CLEC6A: variants seen among roughly 807,000 people sequenced by gnomAD.
CLEC6A encodes the protein C-type lectin domain containing 6A.
CLEC6A carries 22 observed loss-of-function variants against 25.7 expected under a neutral mutation model. The observed-to-expected ratio is 0.85, with a 90% CI of 0.61 to 1.22. The LOEUF (loss-of-function observed/expected upper bound fraction) is 1.22. CLEC6A is among the 50% of genes most tolerant of loss of function. CLEC6A has a pLI of 0.00. For missense variants in CLEC6A, 240 were observed against 236.8 expected (o/e 1.01, Z -0.09); for synonymous variants, 92 against 76.7 (o/e 1.20, Z -1.04).
intron 2 of CLEC6A, among the ~76,000 whole-genome samples, chr12:8,458,851 A>T (rs1340136830): frequency 6.6e-6 from 1 of 152,220 alleles, no homozygotes; most frequent in Non-Finnish European, 1.5e-5. Context: ...AGCTCTAGTT[A>T]TAGAAGGACA....
At chr12:8,461,215 C>A in intron 3 of CLEC6A, 2 of 834,444 alleles carry the variant, frequency 2.4e-6, no homozygotes, top group South Asian at 1.4e-5. Flanking sequence ...TACTCTCCAG[C>A]TCCACCGTTA....
intron 3 of CLEC6A, chr12:8,460,476 TC>T: frequency 1.7e-6 from 1 of 592,454 alleles, no homozygotes; most frequent in Non-Finnish European, 3.0e-6. Context: ...TCCCACAGGG[TC>T]CCTCTCACAG....
At chr12:8,477,202 A>G (rs1939986961) in intron 5 of CLEC6A, 118 bp from the exon 6 acceptor site, 1 of 736,236 alleles carries the variant, frequency 1.4e-6, no homozygotes, top group Non-Finnish European at 2.2e-6. Flanking sequence ...AAGAAGGAAC[A>G]ATCATTGGAA....
chr12:8,476,430 A>G (rs1228572279), intron 5 of CLEC6A, among the ~76,000 whole-genome samples, 190 bp downstream of exon 5: 2 of 152,158 alleles, frequency 1.3e-5, no homozygotes, highest in Non-Finnish European at 2.9e-5. Flanking sequence ...TACAGATAAA[A>G]AATTAAATAA....
intron 3 of CLEC6A, chr12:8,461,090 A>G: frequency 8.1e-6 from 13 of 1,596,134 alleles, no homozygotes; most frequent in Non-Finnish European, 1.0e-5. Flanking sequence ...GTCCACAAGC[A>G]CAGGGAGATG....
intron 4 of CLEC6A, among the ~76,000 whole-genome samples, chr12:8,466,206 T>C (rs1939826955): frequency 2.6e-5 from 4 of 152,222 alleles, no homozygotes; most frequent in South Asian, 2.1e-4. Flanking sequence ...AATATATCTA[T>C]TACCTCATAT....
Position 8,456,083 on chromosome 12 carries a change from G to T in CLEC6A, c.-29G>T, listed in dbSNP as rs778730628. ...AGGGAGAGAGGTACAAAAGGTTCCT[G>T]GACCTTCTCAACACAGGGAGCCTGC... is the stretch of plus-strand genomic sequence containing the variant. On this transcript the variant is annotated 5_prime_UTR_variant, in exon 1 of 6. It introduces an in-frame stop codon into an upstream open reading frame of the 5' UTR. Transcript: ENST00000382073. The T allele has an allele frequency of 6.2e-7, 1 of 1,612,788 alleles. No homozygotes were observed. The highest frequency in any genetic ancestry group is 2.2e-5 in the East Asian group (1 of 44,846).
chr12:8,456,480 A>C (rs951488092), intron 1 of CLEC6A, among the ~76,000 whole-genome samples: 1 of 152,186 alleles, frequency 6.6e-6, no homozygotes, highest in Non-Finnish European at 1.5e-5. Flanking sequence ...TCCAGGAAGC[A>C]GTACTCTTTC....
chr12:8,471,971 A>G (rs1259025004), intron 4 of CLEC6A, among the ~76,000 whole-genome samples: 1 of 152,088 alleles, frequency 6.6e-6, no homozygotes, highest in Non-Finnish European at 1.5e-5. Context: ...GACTTTTGAC[A>G]GTTTGATTAA....
At chr12:8,465,040 T>C (rs1939811922) in intron 3 of CLEC6A, among the ~76,000 whole-genome samples, 4 of 152,188 alleles carry the variant, frequency 2.6e-5, no homozygotes, top group African/African-American at 9.6e-5. Flanking sequence ...ACATGATAAA[T>C]GGAATTCTAA....
At chr12:8,469,492 A>G (rs931538965) in intron 4 of CLEC6A, among the ~76,000 whole-genome samples, 2 of 152,192 alleles carry the variant, frequency 1.3e-5, no homozygotes, top group African/African-American at 4.8e-5. Flanking sequence ...AGACTAAGCA[A>G]AAAGAACAGA....
At chr12:8,471,638 AT>A (rs1349039621) in intron 4 of CLEC6A, among the ~76,000 whole-genome samples, 1 of 151,886 alleles carries the variant, frequency 6.6e-6, no homozygotes, top group African/African-American at 2.4e-5. Flanking sequence ...TCTATTTCAC[AT>A]CTCATTTTAG....
chr12:8,466,780 G>T lies in CLEC6A; in HGVS notation c.369+1151G>T, dbSNP rs143607648. On this transcript the variant is annotated intron_variant, in intron 4 of 5. Coordinates refer to ENST00000382073, the MANE Select transcript of CLEC6A (RefSeq NM_001007033.2). The stretch of plus-strand genomic sequence containing the variant: ...AAGCAATTCTCTGCCTCAACCTCCC[G>T]AGTAGCTGGGCTTACAGGTGCCTGC... Among the ~76,000 whole-genome samples, 1,407 of 151,548 alleles carry T rather than the reference G, an allele frequency of 9.3e-3. 9 individuals carry two copies. Among genetic ancestry groups the T allele is most frequent in the Non-Finnish European group, 0.016 (1,054 of 67,912 alleles).
rs566388584 is a variant in CLEC6A, at chr12:8,468,777, G to A, written c.369+3148G>A. On this transcript the variant is annotated intron_variant, in intron 4 of 5. Transcript: ENST00000382073. Reference sequence around the variant, plus strand: ...AACCCTCAGTAAAATCAGCATAGACGGGACATAGCTTGAGGTAATAAAAGT... The same window carrying A: ...AACCCTCAGTAAAATCAGCATAGACAGGACATAGCTTGAGGTAATAAAAGT... 1.6e-4 allele frequency among the ~76,000 whole-genome samples: 24 copies of A among 152,182 alleles called. No individual in the cohort carries two copies. The South Asian group carries it at 3.9e-3, about 25-fold the overall frequency.
At chr12:8,460,933 G>A (rs1939745827) in intron 3 of CLEC6A, 4 of 861,698 alleles carry the variant, frequency 4.6e-6, no homozygotes, top group Non-Finnish European at 7.9e-6. Context: ...AGAGGAGCGA[G>A]CTGGATGCCA....
At chr12:8,465,715 T>C (rs1023933106) in intron 4 of CLEC6A, 86 bp downstream of exon 4, 3 of 1,113,924 alleles carry the variant, frequency 2.7e-6, no homozygotes, top group African/African-American at 3.2e-5. Context: ...CAGTGTACTG[T>C]TCAGTAGCAT....
intron 4 of CLEC6A, among the ~76,000 whole-genome samples, chr12:8,475,868 A>G (rs1329897526): frequency 6.6e-6 from 1 of 152,212 alleles, no homozygotes; most frequent in African/African-American, 2.4e-5. Context: ...AAATTTATGT[A>G]CATTTAAAGA....
intron 4 of CLEC6A, 86 bp from the exon 5 acceptor site, chr12:8,476,039 A>T: frequency 1.3e-6 from 1 of 768,576 alleles, no homozygotes; most frequent in Non-Finnish European, 2.1e-6. Context: ...TCTTCTAAAG[A>T]ATAGCTCTGA....
At position 8,460,641 on chromosome 12, in the gene CLEC6A, G is replaced by A. The variant is rs1591705989; in HGVS notation, c.223+943G>A. ...AGATGGGTGCATACAAGTATATCCA[G>A]GAGCTATGGAGAAAGAAGCAGTCTG... On this transcript the variant is annotated intron_variant, in intron 3 of 5. Coordinates refer to ENST00000382073, the MANE Select transcript of CLEC6A (RefSeq NM_001007033.2). 3 of 1,469,446 alleles carry A rather than the reference G, an allele frequency of 2.0e-6. No homozygotes were observed. In the East Asian group the frequency reaches 6.8e-5, roughly 33 times the overall value. 91.0% of individuals were successfully genotyped at this position (1,469,446 alleles called of 1,614,324 possible).
Sources: gnomAD v4.1 joint callset for allele counts (sites outside exome capture counted in the v4.1 genomes callset) on GRCh38, gnomAD v4.1.1 for gene constraint, MANE v1.5 for transcripts, NCBI Gene and HGNC (gene_info 2026-07-23, HGNC 2026-07-21) for gene names.